The following FNDC3B variants were observed in gnomAD, a reference collection of about 807,000 sequenced individuals.
FNDC3B encodes the protein fibronectin type III domain-containing protein 3B.
FNDC3B carries 12 observed loss-of-function variants against 151.5 expected under a neutral mutation model. That is an observed-to-expected ratio of 0.08 (90% confidence interval 0.05 to 0.13). FNDC3B has a LOEUF of 0.13. FNDC3B is among the 10% of genes least tolerant of loss of function. The probability of loss-of-function intolerance (pLI) is 1.00; values close to 1 mark genes in which losing one functional copy is unlikely to be tolerated. For missense variants in FNDC3B, 1,214 were observed against 1,505.3 expected (o/e 0.81, Z 3.20); for synonymous variants, 528 against 549.0 (o/e 0.96, Z 0.54).
In FNDC3B at chr3:172,399,324, T is replaced by C. The variant is rs1736449745; in HGVS notation, c.*1849T>C. ...CAGTCTTGTTCCTTGGCAACATCTG[T>C]AGTATTATTAATCTTCTGACATTTT... On this transcript the variant is annotated 3_prime_UTR_variant, in exon 26 of 26. Transcript: ENST00000415807. 1 of 152,624 alleles carries C rather than the reference T, an allele frequency of 6.6e-6. No individual in the cohort carries two copies. The allele number at this position is 152,624 out of a possible 1,614,324, so 9.5% of individuals were successfully genotyped here.
intron 23 of FNDC3B, among the ~76,000 whole-genome samples, chr3:172,363,746 C>G (rs950797036): frequency 6.6e-6 from 1 of 152,212 alleles, no homozygotes; most frequent in African/African-American, 2.4e-5. Flanking sequence ...GTCTCCACCC[C>G]CTACTCTGCA....
chr3:172,117,932 A>C (rs779639046), intron 2 of FNDC3B, among the ~76,000 whole-genome samples: 1 of 152,236 alleles, frequency 6.6e-6, no homozygotes, highest in East Asian at 1.9e-4. Context: ...CTAGCTCAGG[A>C]TAATTTATCA....
Position 172,346,940 on chromosome 3 carries a change from G to A in FNDC3B, c.2365-272G>A, listed in dbSNP as rs996391215. On this transcript the variant is annotated intron_variant, in intron 20 of 25. Coordinates refer to ENST00000415807, the MANE Select transcript of FNDC3B (RefSeq NM_022763.4). ...GCTGGTCTCGAACTCCTTATCTTAG[G>A]CAATCCACCCACCTCAGCCTCCCAA... Among the ~76,000 whole-genome samples, 17 of 152,156 alleles carry A rather than the reference G, an allele frequency of 1.1e-4. No homozygotes were observed. In the East Asian group the frequency reaches 3.3e-3, roughly 29 times the overall value.
At chr3:172,133,425 C>T in intron 2 of FNDC3B, 46 bp from the exon 3 acceptor site, 4 of 1,432,924 alleles carry the variant, frequency 2.8e-6, no homozygotes, top group East Asian at 2.3e-5. Context: ...TTAACAAATC[C>T]CAGAGGTTCC....
At chr3:172,160,540 A>G (rs745545724) in intron 3 of FNDC3B, among the ~76,000 whole-genome samples, 8 of 152,228 alleles carry the variant, frequency 5.3e-5, no homozygotes, top group Non-Finnish European at 8.8e-5. Flanking sequence ...AATTTCACTA[A>G]TATTGGCCAG....
At chr3:172,106,724 G>C (rs1264696747) in intron 1 of FNDC3B, among the ~76,000 whole-genome samples, 1 of 152,188 alleles carries the variant, frequency 6.6e-6, no homozygotes, top group African/African-American at 2.4e-5. Flanking sequence ...GCCCTTTGCA[G>C]GTGGGGGCTG....
At chr3:172,089,337 G>A (rs956464532) in intron 1 of FNDC3B, among the ~76,000 whole-genome samples, 5 of 152,014 alleles carry the variant, frequency 3.3e-5, no homozygotes, top group African/African-American at 1.2e-4. Flanking sequence ...TTTACCATAG[G>A]ATTTTCTTAA....
chr3:172,193,667 C>T (rs1724677134), intron 3 of FNDC3B, among the ~76,000 whole-genome samples: 1 of 151,776 alleles, frequency 6.6e-6, no homozygotes, highest in East Asian at 2.0e-4. Context: ...TCTGGATTCA[C>T]TTGGCCTGTT....
chr3:172,041,993 T>C (rs1228394965), intron 1 of FNDC3B, among the ~76,000 whole-genome samples: 1 of 152,126 alleles, frequency 6.6e-6, no homozygotes, highest in East Asian at 1.9e-4. Context: ...TGAGGCATAG[T>C]TGATTAAAAA....
intron 3 of FNDC3B, among the ~76,000 whole-genome samples, chr3:172,223,743 G>A (rs1463590898): frequency 6.6e-6 from 1 of 152,120 alleles, no homozygotes; most frequent in African/African-American, 2.4e-5. Context: ...TATGTTGCAT[G>A]GGTGTGGAAT....
At chr3:172,158,814 G>T (rs937198858) in intron 3 of FNDC3B, among the ~76,000 whole-genome samples, 3 of 152,150 alleles carry the variant, frequency 2.0e-5, no homozygotes, top group Non-Finnish European at 4.4e-5. Context: ...TTTGTATAAT[G>T]TGTGAGGTTT....
chr3:172,166,842 AG>A (rs879945080), intron 3 of FNDC3B, among the ~76,000 whole-genome samples: 61 of 59,532 alleles, frequency 1.0e-3, no homozygotes, highest in African/African-American at 1.4e-3. Flanking sequence ...GGGTGGGGGG[AG>A]GGGGGTCCAT....
chr3:172,212,411 C>T (rs1371783540), intron 3 of FNDC3B, among the ~76,000 whole-genome samples: 1 of 152,142 alleles, frequency 6.6e-6, no homozygotes, highest in Non-Finnish European at 1.5e-5. Context: ...AGTCATTCTT[C>T]TGAACTGGTC....
intron 3 of FNDC3B, among the ~76,000 whole-genome samples, chr3:172,150,760 G>A (rs570871425): frequency 1.3e-5 from 2 of 152,146 alleles, no homozygotes; most frequent in South Asian, 2.1e-4. Flanking sequence ...CATAGTAAGT[G>A]TATATATTTA....
At chr3:172,321,665 T>C (rs1238578931) in intron 11 of FNDC3B, 1 of 186,808 alleles carries the variant, frequency 5.4e-6, no homozygotes, top group Non-Finnish European at 1.1e-5. Flanking sequence ...CTCAGCCTCC[T>C]GAGTAGCTGG....
chr3:172,125,584 T>TA (rs1720773678), intron 2 of FNDC3B, among the ~76,000 whole-genome samples: 1 of 152,146 alleles, frequency 6.6e-6, no homozygotes, highest in Non-Finnish European at 1.5e-5. Context: ...TCATTTCCAT[T>TA]AAAAAATTGC....
chr3:172,076,813 C>T (rs1247836539), intron 1 of FNDC3B, among the ~76,000 whole-genome samples: 1 of 152,092 alleles, frequency 6.6e-6, no homozygotes, highest in African/African-American at 2.4e-5. Flanking sequence ...ACATAAAGTA[C>T]ACTTTTTAAA....
At chr3:172,066,978 C>T (rs561240716) in intron 1 of FNDC3B, among the ~76,000 whole-genome samples, 3 of 152,256 alleles carry the variant, frequency 2.0e-5, no homozygotes, top group Admixed American at 1.3e-4. Flanking sequence ...ACAATATTCT[C>T]TTATTGTGGA....
At chr3:172,081,365 C>T (rs1718272675) in intron 1 of FNDC3B, among the ~76,000 whole-genome samples, 1 of 151,896 alleles carries the variant, frequency 6.6e-6, no homozygotes, top group Non-Finnish European at 1.5e-5. Flanking sequence ...CTTTACAGAG[C>T]ACAAAACTTA....
Sources: gnomAD v4.1 joint callset for allele counts (sites outside exome capture counted in the v4.1 genomes callset) on GRCh38, gnomAD v4.1.1 for gene constraint, MANE v1.5 for transcripts, NCBI Gene and HGNC (gene_info 2026-07-23, HGNC 2026-07-21) for gene names.